CDH7: variants seen among roughly 807,000 people sequenced by gnomAD.
CDH7 encodes cadherin-7.
A neutral mutation model predicts 71.8 loss-of-function variants in CDH7; 25 were observed. The ratio of observed to expected loss-of-function variants is 0.35; its 90% CI spans 0.25 to 0.49. The LOEUF (loss-of-function observed/expected upper bound fraction) is 0.49. CDH7 is among the 20% of genes least tolerant of loss of function. The pLI is 0.99. For synonymous variants in CDH7, 381 were observed against 363.8 expected (o/e 1.05, Z -0.54); for missense variants, 862 against 974.6 (o/e 0.88, Z 1.54).
At position 65,809,854 on chromosome 18, in the gene CDH7, C is replaced by T. The variant is rs766062933; in HGVS notation, c.361C>T (p.Arg121Ter). The T allele has an allele frequency of 6.2e-7, 1 of 1,613,950 alleles. No individual in the cohort carries two copies. Among genetic ancestry groups the T allele is most frequent in the Non-Finnish European group, 8.5e-7 (1 of 1,179,978 alleles). ...TGAGGAGCAGGCCTACTACACGCTC[C>T]GAGCTCAAGCGCTGGATAGGCTCAC... ...DREEQAYYTLRAQALDRLTNK... is the reference protein window; with the variant it reads ...DREEQAYYTL The change falls in exon 3 of 12, where the codon CGA becomes TGA. Residue 121 changes from arginine (R) to a stop codon, truncating the protein, a stop_gained. Transcript: ENST00000397968. LOFTEE classifies it high-confidence loss of function.
chr18:65,823,991 A>G (rs1231003982), intron 5 of CDH7, among the ~76,000 whole-genome samples: 1 of 151,506 alleles, frequency 6.6e-6, no homozygotes, highest in Non-Finnish European at 1.5e-5. Flanking sequence ...GAGTTATTAC[A>G]AAAGTTAAAC....
At chr18:65,870,549 A>T (rs1013278033) in intron 11 of CDH7, among the ~76,000 whole-genome samples, 13 of 152,062 alleles carry the variant, frequency 8.5e-5, no homozygotes, top group African/African-American at 3.1e-4. Context: ...ATGTTTGGCC[A>T]CCTGCTTACC....
At chr18:65,781,815 C>T (rs189870166) in intron 2 of CDH7, among the ~76,000 whole-genome samples, 1,358 of 58,026 alleles carry the variant, frequency 0.023, 62 homozygotes, top group African/African-American at 0.052. Flanking sequence ...TCCTTCCTTC[C>T]TTCCTTCTTT....
At chr18:65,827,336 T>C (rs944145305) in intron 6 of CDH7, among the ~76,000 whole-genome samples, 4 of 151,898 alleles carry the variant, frequency 2.6e-5, no homozygotes, top group African/African-American at 7.2e-5. Flanking sequence ...TCAATGGTGG[T>C]GAAAAATTTC....
chr18:65,770,213 T>A (rs1916502533), intron 2 of CDH7, among the ~76,000 whole-genome samples: 1 of 152,160 alleles, frequency 6.6e-6, no homozygotes, highest in South Asian at 2.1e-4. Context: ...ATTTTGCTTA[T>A]TATTTTTTTT....
At chr18:65,805,224 A>G (rs1911272687) in intron 2 of CDH7, among the ~76,000 whole-genome samples, 1 of 152,240 alleles carries the variant, frequency 6.6e-6, no homozygotes. Context: ...TTGAAACAAG[A>G]AACTACAGAA....
chr18:65,779,057 G>A (rs1242278631), intron 2 of CDH7, among the ~76,000 whole-genome samples: 2 of 141,594 alleles, frequency 1.4e-5, no homozygotes, highest in East Asian at 4.0e-4. Context: ...TATGTGACAG[G>A]AGTCAAATCA....
At chr18:65,788,709 A>G (rs1910598900) in intron 2 of CDH7, among the ~76,000 whole-genome samples, 1 of 152,234 alleles carries the variant, frequency 6.6e-6, no homozygotes, top group Non-Finnish European at 1.5e-5. Flanking sequence ...TTCAAAGAAC[A>G]GAATAGTGAA....
In CDH7 at chr18:65,889,905, A is replaced by C. The variant is rs1197195426; in HGVS notation, c.*9011A>C. 2 of 152,306 alleles carry C rather than the reference A, an allele frequency of 1.3e-5. No homozygotes were observed. Among genetic ancestry groups the C allele is most frequent in the East Asian group, 3.9e-4 (2 of 5,178 alleles). 9.4% of individuals were successfully genotyped at this position (152,306 alleles called of 1,614,324 possible). On this transcript the variant is annotated 3_prime_UTR_variant, in exon 12 of 12. Coordinates refer to ENST00000397968, the MANE Select transcript of CDH7 (RefSeq NM_004361.5). ...ATAACCAGTGTGATCCTTGTTAATC[A>C]GAATTCTAGAATGTTCCATTGCCTT... is the stretch of plus-strand genomic sequence containing the variant.
chr18:65,792,562 G>C (rs977249774), intron 2 of CDH7, among the ~76,000 whole-genome samples: 19 of 152,168 alleles, frequency 1.2e-4, no homozygotes, highest in African/African-American at 4.6e-4. Flanking sequence ...GGTAATATGT[G>C]TGTGGATAAT....
chr18:65,833,391 A>G (rs1912421186), intron 6 of CDH7, among the ~76,000 whole-genome samples: 1 of 152,230 alleles, frequency 6.6e-6, no homozygotes, highest in Non-Finnish European at 1.5e-5. Context: ...GTTAATGCCA[A>G]TTTATTTTTC....
At chr18:65,768,510 C>T (rs1330419022) in intron 2 of CDH7, among the ~76,000 whole-genome samples, 1 of 152,070 alleles carries the variant, frequency 6.6e-6, no homozygotes, top group Admixed American at 6.6e-5. Context: ...TGTATATTAG[C>T]TGTGTTTTAA....
At position 65,858,927 on chromosome 18, in the gene CDH7, A is replaced by T. The variant is rs1287274695; in HGVS notation, c.1375A>T (p.Asn459Tyr). 1 of 1,611,546 alleles carries T rather than the reference A, an allele frequency of 6.2e-7. No homozygotes were observed. The highest frequency in any genetic ancestry group is 8.5e-7 in the Non-Finnish European group (1 of 1,177,930). The change falls in exon 9 of 12, where the codon AAT becomes TAT. Residue 459 changes from asparagine to tyrosine, a missense_variant and splice_region_variant. Asn to Tyr is a moderately radical substitution (Grantham distance 143, BLOSUM62 -2). Transcript: ENST00000397968. ...NITVLAMESQ[N>Y]PSQVGRGYVA... ...TAAGACACTGTCTTATTTATTAGAG[A>T]ATCCATCTCAAGTAGGAAGAGGCTA...
intron 2 of CDH7, among the ~76,000 whole-genome samples, chr18:65,783,709 G>A (rs554187153): frequency 1.2e-4 from 19 of 152,202 alleles, no homozygotes; most frequent in African/African-American, 4.6e-4. Context: ...GCCTGACACC[G>A]TATTTTATTA....
intron 1 of CDH7, among the ~76,000 whole-genome samples, chr18:65,754,987 C>A (rs540396957): frequency 6.6e-6 from 1 of 152,060 alleles, no homozygotes; most frequent in South Asian, 2.1e-4. Context: ...GTTCCTTCAC[C>A]CTTTCTTCTT....
At chr18:65,777,639 G>A (rs1909998823) in intron 2 of CDH7, among the ~76,000 whole-genome samples, 1 of 152,074 alleles carries the variant, frequency 6.6e-6, no homozygotes. Context: ...GAAATGAAAA[G>A]TCTAGTAGGA....
At position 65,809,910 on chromosome 18, in the gene CDH7, T is replaced by C. The variant is rs761721425; in HGVS notation, c.417T>C (p.Phe139=). The C allele has an allele frequency of 6.2e-7, 1 of 1,614,004 alleles. No individual in the cohort carries two copies. The highest frequency in any genetic ancestry group is 8.5e-7 in the Non-Finnish European group (1 of 1,180,022). Residue 139 remains phenylalanine, a synonymous_variant, in exon 3 of 12, where the codon TTT becomes TTC. Coordinates refer to ENST00000397968, the MANE Select transcript of CDH7 (RefSeq NM_004361.5). ...AACCCGTGGAGCCCGAGTCGGAGTT[T>C]GTCATCAAAATTCAGGATATCAACG... The part of the protein sequence containing the change: ...TNKPVEPESE[F]VIKIQDINDN...
At position 65,883,312 on chromosome 18, in the gene CDH7, C is replaced by T. The variant is rs1464597914; in HGVS notation, c.*2418C>T. 6.6e-6 allele frequency: 1 copy of T among 151,660 alleles called. No individual in the cohort carries two copies. Among genetic ancestry groups the T allele is most frequent in the Admixed American group, 6.6e-5 (1 of 15,226 alleles). 9.4% of individuals were successfully genotyped at this position (151,660 alleles called of 1,614,324 possible). On this transcript the variant is annotated 3_prime_UTR_variant, in exon 12 of 12. Coordinates refer to ENST00000397968, the MANE Select transcript of CDH7 (RefSeq NM_004361.5). ...ATAGGTAGTATTTATATGAAGTATT[C>T]TAAGCTTAATTGTAATAGTAGTAAA...
chr18:65,801,625 T>A (rs543614599), intron 2 of CDH7, among the ~76,000 whole-genome samples: 3 of 152,356 alleles, frequency 2.0e-5, no homozygotes, highest in African/African-American at 7.2e-5. Context: ...TGTCCTCTTC[T>A]TGGCTAGCTC....
Sources: allele counts gnomAD v4.1 joint callset (sites outside exome capture counted in the v4.1 genomes callset), GRCh38; gene constraint gnomAD v4.1.1; transcripts MANE v1.5; gene names NCBI Gene and HGNC (gene_info 2026-07-23, HGNC 2026-07-21).